The following PAK2 variants were observed in gnomAD, a reference collection of about 807,000 sequenced individuals.
PAK2 encodes serine/threonine-protein kinase PAK 2.
PAK2 carries 21 observed loss-of-function variants against 65.9 expected under a neutral mutation model. The ratio of observed to expected loss-of-function variants is 0.32; its 90% CI spans 0.23 to 0.46. PAK2 has a LOEUF of 0.46. PAK2 is among the 20% of genes least tolerant of loss of function. The pLI is 1.00. For synonymous variants in PAK2, 204 were observed against 219.7 expected (o/e 0.93, Z 0.63); for missense variants, 324 against 642.6 (o/e 0.50, Z 5.36).
intron 2 of PAK2, among the ~76,000 whole-genome samples, chr3:196,784,420 C>T (rs1453589669): frequency 8.8e-6 from 1 of 114,098 alleles, no homozygotes; most frequent in African/African-American, 3.4e-5. Flanking sequence ...TATTCCCCTT[C>T]CTGTGTCCAT....
At chr3:196,786,964 A>G (rs975771834) in intron 2 of PAK2, among the ~76,000 whole-genome samples, 1 of 151,940 alleles carries the variant, frequency 6.6e-6, no homozygotes, top group African/African-American at 2.4e-5. Context: ...AGTTGGGACT[A>G]CAGGTGCACA....
At chr3:196,752,932 C>A (rs980014044) in intron 1 of PAK2, among the ~76,000 whole-genome samples, 4 of 151,800 alleles carry the variant, frequency 2.6e-5, no homozygotes, top group African/African-American at 9.7e-5. Flanking sequence ...GTCCCAAGCT[C>A]ACCATGGAGG....
chr3:196,814,739 C>A, intron 11 of PAK2, among the ~76,000 whole-genome samples, 171 bp downstream of exon 11: 1 of 152,100 alleles, frequency 6.6e-6, no homozygotes. Flanking sequence ...GGAGTTTCAG[C>A]CCTTTCCTTC....
At chr3:196,824,981 G>A (rs760695881) in intron 13 of PAK2, among the ~76,000 whole-genome samples, 1 of 152,134 alleles carries the variant, frequency 6.6e-6, no homozygotes, top group Non-Finnish European at 1.5e-5. Context: ...GGGAGGTTGC[G>A]TGTGGGAACT....
chr3:196,763,865 C>T (rs925145882), intron 1 of PAK2, among the ~76,000 whole-genome samples: 4 of 152,136 alleles, frequency 2.6e-5, no homozygotes, highest in African/African-American at 9.7e-5. Context: ...GTGGCACGAT[C>T]ACGGCTCACT....
chr3:196,804,333 T>G (rs961896786), intron 4 of PAK2, among the ~76,000 whole-genome samples: 4 of 152,214 alleles, frequency 2.6e-5, no homozygotes, highest in African/African-American at 9.6e-5. Context: ...CTCCTAGAAC[T>G]TTTCTATCAA....
intron 1 of PAK2, among the ~76,000 whole-genome samples, chr3:196,754,575 G>C (rs1713708740): frequency 6.6e-6 from 1 of 152,150 alleles, no homozygotes; most frequent in Non-Finnish European, 1.5e-5. Flanking sequence ...GATGATGTAT[G>C]AGAGTGGCCC....
intron 2 of PAK2, 94 bp from the exon 3 acceptor site, chr3:196,801,832 TA>T: frequency 1.4e-6 from 1 of 698,740 alleles, no homozygotes; most frequent in Non-Finnish European, 2.5e-6. Context: ...AAACTCCATT[TA>T]AAAAAACAAA....
intron 2 of PAK2, among the ~76,000 whole-genome samples, chr3:196,801,052 AT>A (rs1715409820): frequency 6.6e-6 from 1 of 152,128 alleles, no homozygotes; most frequent in Admixed American, 6.6e-5. Flanking sequence ...TGCAGAAATA[AT>A]TTACAATCGG....
chr3:196,759,144 T>G (rs1415995776), intron 1 of PAK2, among the ~76,000 whole-genome samples: 1 of 152,190 alleles, frequency 6.6e-6, no homozygotes, highest in Non-Finnish European at 1.5e-5. Context: ...AGTGATCTTT[T>G]CCTGAACACA....
chr3:196,756,690 G>T (rs185789775), intron 1 of PAK2, among the ~76,000 whole-genome samples: 1 of 152,236 alleles, frequency 6.6e-6, no homozygotes, highest in East Asian at 1.9e-4. Context: ...ACAAAAATTA[G>T]CTGGGCGTGA....
chr3:196,779,729 A>G (rs1398862132), intron 1 of PAK2, among the ~76,000 whole-genome samples: 1 of 152,226 alleles, frequency 6.6e-6, no homozygotes, highest in Non-Finnish European at 1.5e-5. Context: ...CTGGAGTACA[A>G]TGGCATGATC....
intron 13 of PAK2, among the ~76,000 whole-genome samples, chr3:196,826,406 T>C (rs1711875588): frequency 6.6e-6 from 1 of 151,504 alleles, no homozygotes. Flanking sequence ...TCTCCTGACC[T>C]CGTGACCGGC....
intron 2 of PAK2, among the ~76,000 whole-genome samples, chr3:196,786,678 T>A (rs1047725793): frequency 6.6e-6 from 1 of 152,190 alleles, no homozygotes; most frequent in African/African-American, 2.4e-5. Flanking sequence ...TTATTGAGTC[T>A]TCTATTTCCC....
intron 1 of PAK2, among the ~76,000 whole-genome samples, chr3:196,769,429 T>C (rs1246049088): frequency 6.6e-6 from 1 of 151,880 alleles, no homozygotes; most frequent in African/African-American, 2.4e-5. Context: ...CATTTTTAGG[T>C]GTATAATTTG....
intron 2 of PAK2, among the ~76,000 whole-genome samples, chr3:196,795,463 T>A (rs1715227836): frequency 6.6e-6 from 1 of 151,834 alleles, no homozygotes. Context: ...CGAGACCCTG[T>A]TTCAAACCAA....
intron 1 of PAK2, among the ~76,000 whole-genome samples, chr3:196,779,978 C>CT (rs1438952655): frequency 3.3e-5 from 5 of 152,242 alleles, no homozygotes; most frequent in African/African-American, 1.2e-4. Context: ...TGTTACTAAG[C>CT]TTTGTCTTTC....
At position 196,829,782 on chromosome 3, in the gene PAK2, T is replaced by TA. The variant is rs1202409427; in HGVS notation, c.*1383dup. The TA allele has an allele frequency of 1.3e-5, 2 of 152,204 alleles. No homozygotes were observed. The highest frequency in any genetic ancestry group is 2.9e-5 in the Non-Finnish European group (2 of 68,046). 9.4% of individuals were successfully genotyped at this position (152,204 alleles called of 1,614,324 possible). A position where few individuals can be genotyped will look rare whatever the true frequency, so the allele number is the denominator to read the frequency against. Reference sequence around the variant, plus strand: ...TTTTTCAAATAAGTAGAGACTATTGTAAAAAACGAGAAAGGAAAATGAAAT... The same window carrying TA: ...TTTTTCAAATAAGTAGAGACTATTGTAAAAAAACGAGAAAGGAAAATGAAAT... On this transcript the variant is annotated 3_prime_UTR_variant, in exon 15 of 15. Transcript: ENST00000327134.
Position 196,818,049 on chromosome 3 carries a change from C to T in PAK2, c.1054-8C>T. ...TATTTCATTAATAGGTGTTTTTCTT[C>T]TGTTCAGTGTTTACAGGCATTGGAG... On this transcript the variant is annotated splice_region_variant and splice_polypyrimidine_tract_variant and intron_variant, in intron 11 of 14. Transcript: ENST00000327134. 1 of 1,191,208 alleles carries T rather than the reference C, an allele frequency of 8.4e-7. No homozygotes were observed. The highest frequency in any genetic ancestry group is 1.2e-6 in the Non-Finnish European group (1 of 800,940). 73.8% of individuals were successfully genotyped at this position (1,191,208 alleles called of 1,614,324 possible).
Sources: gnomAD v4.1 joint callset for allele counts (sites outside exome capture counted in the v4.1 genomes callset) on GRCh38, gnomAD v4.1.1 for gene constraint, MANE v1.5 for transcripts, NCBI Gene and HGNC (gene_info 2026-07-23, HGNC 2026-07-21) for gene names.